Variants in GTF2F2 observed in about 807,000 individuals in gnomAD.
GTF2F2 encodes the protein general transcription factor IIF subunit 2.
GTF2F2 carries 23 observed loss-of-function variants against 42.2 expected under a neutral mutation model. The observed-to-expected ratio is 0.55, with a 90% CI of 0.39 to 0.77. The LOEUF (loss-of-function observed/expected upper bound fraction) is 0.77, where lower values mean the gene tolerates loss of function less well. GTF2F2 is among the 30% of genes least tolerant of loss of function. The pLI is 0.00. For missense variants in GTF2F2, 261 were observed against 287.2 expected, an observed-to-expected ratio of 0.91 and a Z score of 0.66; for synonymous variants, 105 against 100.8, an observed-to-expected ratio of 1.04 and a Z score of -0.25.
chr13:45,174,634 C>CTTTTTTTTTTTTTTTT (rs397950608), intron 4 of GTF2F2, among the ~76,000 whole-genome samples: 3 of 81,444 alleles, frequency 3.7e-5, no homozygotes, highest in East Asian at 3.3e-4. Context: ...TTTCTTTTTT[C>CTTTTTTTTTTTTTTTT]TTTTTTTTTT....
chr13:45,191,255 A>ATATATATATATATATAGC (rs1260872563), intron 4 of GTF2F2, among the ~76,000 whole-genome samples: 1 of 136,528 alleles, frequency 7.3e-6, no homozygotes, highest in Admixed American at 7.2e-5. Context: ...ATATATATAT[A>ATATATATATATATATAGC]GCCATAATCT....
At chr13:45,143,089 A>T (rs1334673753) in intron 2 of GTF2F2, among the ~76,000 whole-genome samples, 1 of 127,632 alleles carries the variant, frequency 7.8e-6, no homozygotes, top group Non-Finnish European at 1.6e-5. Flanking sequence ...TAGGATAATC[A>T]GAAAGCTGGA....
intron 5 of GTF2F2, among the ~76,000 whole-genome samples, chr13:45,230,871 A>G (rs986778806): frequency 1.3e-5 from 2 of 152,200 alleles, no homozygotes; most frequent in Non-Finnish European, 2.9e-5. Flanking sequence ...ATTCATAAGG[A>G]TAAGACAGAA....
chr13:45,211,331 A>G (rs904750194), intron 5 of GTF2F2, among the ~76,000 whole-genome samples: 3 of 151,728 alleles, frequency 2.0e-5, no homozygotes, highest in African/African-American at 4.8e-5. Flanking sequence ...TTTATTTACA[A>G]TTACCCAACA....
At chr13:45,246,094 C>T (rs1391064154) in intron 5 of GTF2F2, among the ~76,000 whole-genome samples, 2 of 150,856 alleles carry the variant, frequency 1.3e-5, no homozygotes, top group African/African-American at 2.4e-5. Context: ...CTGCAAGCTC[C>T]GCCTGCCGGG....
intron 1 of GTF2F2, among the ~76,000 whole-genome samples, chr13:45,128,311 A>G (rs1262257605): frequency 1.3e-5 from 2 of 148,602 alleles, no homozygotes; most frequent in Non-Finnish European, 3.0e-5. Context: ...ACAGTGGCTC[A>G]CGCCTGTAAT....
chr13:45,283,855 C>T lies in GTF2F2; in HGVS notation c.*294C>T, dbSNP rs1165221861. ...CTTAAATATTAGCTTTTAATGTGTA[C>T]AATTAGGAAATTTTTTTAAGTGAGG... On this transcript the variant is annotated 3_prime_UTR_variant, in exon 8 of 8. Transcript: ENST00000340473. 1 of 162,770 alleles carries T rather than the reference C, an allele frequency of 6.1e-6. No homozygotes were observed. Among genetic ancestry groups the T allele is most frequent in the African/African-American group, 2.4e-5 (1 of 41,712 alleles). The allele number at this position is 162,770 out of a possible 1,614,324, so 10.1% of individuals were successfully genotyped here.
At chr13:45,231,507 T>C (rs1268462679) in intron 5 of GTF2F2, among the ~76,000 whole-genome samples, 1 of 152,194 alleles carries the variant, frequency 6.6e-6, no homozygotes, top group Non-Finnish European at 1.5e-5. Flanking sequence ...AGAGACCATA[T>C]GGCCTGAAAC....
At chr13:45,252,425 G>A (rs1294777815) in intron 5 of GTF2F2, among the ~76,000 whole-genome samples, 1 of 152,144 alleles carries the variant, frequency 6.6e-6, no homozygotes, top group Non-Finnish European at 1.5e-5. Context: ...TCTCTGTGCT[G>A]TTCAGTAAAC....
intron 4 of GTF2F2, among the ~76,000 whole-genome samples, chr13:45,176,632 G>A (rs568304888): frequency 1.6e-4 from 24 of 152,166 alleles, no homozygotes; most frequent in Non-Finnish European, 3.2e-4. Flanking sequence ...TAATAGTCCA[G>A]TTTGTCAGTC....
chr13:45,278,770 C>G (rs540203996), intron 7 of GTF2F2, among the ~76,000 whole-genome samples: 1 of 149,180 alleles, frequency 6.7e-6, no homozygotes, highest in South Asian at 2.1e-4. Flanking sequence ...GTACACATGC[C>G]TCTGTTATAT....
At chr13:45,224,594 TTTGG>T (rs1237888618) in intron 5 of GTF2F2, among the ~76,000 whole-genome samples, 5 of 152,342 alleles carry the variant, frequency 3.3e-5, no homozygotes, top group African/African-American at 1.2e-4. Flanking sequence ...GAACACTCCC[TTTGG>T]GTCACTTGGT....
intron 1 of GTF2F2, among the ~76,000 whole-genome samples, chr13:45,131,813 G>A (rs1869363251): frequency 6.7e-6 from 1 of 149,884 alleles, no homozygotes; most frequent in Non-Finnish European, 1.5e-5. Context: ...GCTGAGGTGG[G>A]AGTATCGTTG....
At chr13:45,123,244 A>G in intron 1 of GTF2F2, 1 of 152,390 alleles carries the variant, frequency 6.6e-6, no homozygotes, top group African/African-American at 2.4e-5. Context: ...AAAGAGGATG[A>G]CCATCCGGAT....
intron 5 of GTF2F2, among the ~76,000 whole-genome samples, chr13:45,240,549 C>T (rs201595871): frequency 2.7e-4 from 41 of 152,200 alleles, no homozygotes; most frequent in East Asian, 5.8e-4. Context: ...AATTACTGGC[C>T]GGGCAGAGTG....
intron 4 of GTF2F2, among the ~76,000 whole-genome samples, chr13:45,184,716 G>A (rs926528973): frequency 1.3e-5 from 2 of 152,016 alleles, no homozygotes; most frequent in African/African-American, 4.8e-5. Flanking sequence ...GAAAGTCTTC[G>A]GAAAGTTAGG....
At chr13:45,261,537 A>G (rs924143903) in intron 6 of GTF2F2, among the ~76,000 whole-genome samples, 1 of 152,064 alleles carries the variant, frequency 6.6e-6, no homozygotes, top group Non-Finnish European at 1.5e-5. Context: ...TTCTGAATTG[A>G]CATTTATTTC....
At chr13:45,203,363 G>A (rs1293229638) in intron 4 of GTF2F2, among the ~76,000 whole-genome samples, 2 of 151,952 alleles carry the variant, frequency 1.3e-5, no homozygotes, top group Admixed American at 6.6e-5. Flanking sequence ...GGGATTACAG[G>A]CGTGAGCCAC....
At chr13:45,274,312 T>C (rs1187818151) in intron 7 of GTF2F2, among the ~76,000 whole-genome samples, 3 of 148,256 alleles carry the variant, frequency 2.0e-5, no homozygotes, top group South Asian at 4.3e-4. Context: ...TTATTTTTAG[T>C]ACAAATTATA....
Sources: gnomAD v4.1 joint callset for allele counts (sites outside exome capture counted in the v4.1 genomes callset) on GRCh38, gnomAD v4.1.1 for gene constraint, MANE v1.5 for transcripts, NCBI Gene and HGNC (gene_info 2026-07-23, HGNC 2026-07-21) for gene names.